The following NAALADL2 variants were observed in gnomAD, a reference collection of about 807,000 sequenced individuals.
The protein encoded by NAALADL2 is inactive N-acetylated-alpha-linked acidic dipeptidase-like protein 2.
A neutral mutation model predicts 87.2 loss-of-function variants in NAALADL2; 76 were observed. That is an observed-to-expected ratio of 0.87 (90% CI 0.72 to 1.05). The LOEUF is 1.05. Ranked by LOEUF, NAALADL2 falls within the 50% of genes least tolerant of loss-of-function variation. The pLI, the probability that NAALADL2 is intolerant of heterozygous loss-of-function variation, is 0.00. For missense variants in NAALADL2, 1,089 were observed against 945.8 expected, an observed-to-expected ratio of 1.15 and a Z score of -1.99; for synonymous variants, 354 against 331.0, an observed-to-expected ratio of 1.07 and a Z score of -0.75.
At chr3:174,642,052 G>A (rs1049276319) in intron 2 of NAALADL2, among the ~76,000 whole-genome samples, 12 of 152,004 alleles carry the variant, frequency 7.9e-5, no homozygotes, top group African/African-American at 2.2e-4. Context: ...AGCCACTGCC[G>A]GGCCAACTTG....
intron 2 of NAALADL2, among the ~76,000 whole-genome samples, chr3:174,633,571 G>A (rs906759276): frequency 1.3e-5 from 2 of 152,154 alleles, no homozygotes; most frequent in African/African-American, 4.8e-5. Flanking sequence ...TTAATGCCTT[G>A]TGCTTAAACT....
chr3:175,048,207 G>C (rs1412074687), intron 1 of NAALADL2, among the ~76,000 whole-genome samples: 2 of 151,526 alleles, frequency 1.3e-5, no homozygotes, highest in African/African-American at 4.9e-5. Context: ...TCAGGTAAAG[G>C]ATTTTTGTTC....
intron 1 of NAALADL2, among the ~76,000 whole-genome samples, chr3:175,049,258 A>G (rs1317841320): frequency 6.6e-6 from 1 of 152,178 alleles, no homozygotes; most frequent in African/African-American, 2.4e-5. Context: ...TGCTAGACCA[A>G]GGGATTATTC....
chr3:174,601,343 G>A (rs980636904), intron 2 of NAALADL2, among the ~76,000 whole-genome samples: 1 of 151,938 alleles, frequency 6.6e-6, no homozygotes, highest in Non-Finnish European at 1.5e-5. Flanking sequence ...TTTTAACTGG[G>A]GTGAGATGCT....
rs56013343 is a variant in NAALADL2 at position 174,835,274 on chromosome 3, A to C, written c.-9+97528A>C. The stretch of plus-strand genomic sequence containing the variant: ...TTAATGGGGAAAAGACAGCCGTTTC[A>C]ACAATTGCTGCTGGGAAAACTAGAT... On this transcript the variant is annotated intron_variant, in intron 3 of 3. Transcript: ENST00000434257. Among the ~76,000 whole-genome samples the C allele has an allele frequency of 5.7e-3, 875 of 152,238 alleles. 9 individuals are homozygous for C. The highest frequency in any genetic ancestry group is 0.02 in the African/African-American group (836 of 41,576).
intron 2 of NAALADL2, among the ~76,000 whole-genome samples, chr3:174,585,460 A>G (rs530507120): frequency 6.6e-6 from 1 of 152,342 alleles, no homozygotes; most frequent in African/African-American, 2.4e-5. Context: ...GGATTAGAAC[A>G]GTATTTTTCT....
At chr3:174,512,670 C>T (rs368919896) in intron 1 of NAALADL2, among the ~76,000 whole-genome samples, 3 of 152,060 alleles carry the variant, frequency 2.0e-5, no homozygotes, top group Non-Finnish European at 2.9e-5. Flanking sequence ...CCTCCCCAAA[C>T]GGATCTCTGT....
At chr3:174,964,248 G>C (rs192245700) in intron 1 of NAALADL2, among the ~76,000 whole-genome samples, 1 of 152,026 alleles carries the variant, frequency 6.6e-6, no homozygotes, top group Admixed American at 6.6e-5. Context: ...TCTATTCATA[G>C]AGCTTACATT....
chr3:175,536,568 T>G (rs554136202), intron 9 of NAALADL2, among the ~76,000 whole-genome samples: 117 of 152,272 alleles, frequency 7.7e-4, no homozygotes, highest in African/African-American at 2.7e-3. Context: ...TGAAATTAAA[T>G]ATTAAATTAA....
At chr3:175,309,736 A>G (rs1758137823) in intron 4 of NAALADL2, among the ~76,000 whole-genome samples, 2 of 152,136 alleles carry the variant, frequency 1.3e-5, no homozygotes, top group Admixed American at 1.3e-4. Context: ...AAATAAATTG[A>G]TTAATAATAA....
intron 2 of NAALADL2, among the ~76,000 whole-genome samples, chr3:174,675,120 A>G (rs1462900089): frequency 2.0e-5 from 3 of 152,108 alleles, no homozygotes; most frequent in Non-Finnish European, 4.4e-5. Flanking sequence ...TTAAATTGCA[A>G]TTATTGAGTA....
Position 175,020,448 on chromosome 3 carries a change from C to A in NAALADL2, c.44-76342C>A, listed in dbSNP as rs77292997. Among the ~76,000 whole-genome samples the A allele has an allele frequency of 6.6e-5, 10 of 152,118 alleles. 2 individuals are homozygous for A. In the Middle Eastern group the frequency reaches 0.017, roughly 259 times the overall value. On this transcript the variant is annotated intron_variant, in intron 1 of 13. Transcript: ENST00000454872. ...TTGAAAATGTATCATTGTCTAGATT[C>A]TCTTATTATCTCCTAATTGTAAATG...
chr3:174,863,842 A>G (rs1446039952), intron 1 of NAALADL2: 2 of 285,404 alleles, frequency 7.0e-6, no homozygotes, highest in Admixed American at 9.8e-5. Context: ...ATTTTCAATT[A>G]ACAGAAGTGC....
At chr3:174,458,236 T>A (rs1715982496) in intron 1 of NAALADL2, among the ~76,000 whole-genome samples, 1 of 152,216 alleles carries the variant, frequency 6.6e-6, no homozygotes, top group African/African-American at 2.4e-5. Context: ...AACTGCATTA[T>A]CCTACATTAC....
Position 175,360,826 on chromosome 3 carries a change from ATG to A in NAALADL2, c.1090+36523_1090+36524del, listed in dbSNP as rs1553873565. Among the ~76,000 whole-genome samples, 177 of 66,470 alleles carry A rather than the reference ATG, an allele frequency of 2.7e-3. 1 individual carries two copies. Among genetic ancestry groups the A allele is most frequent in the East Asian group, 9.0e-3 (11 of 1,216 alleles). 43.6% of individuals were successfully genotyped at this position (66,470 alleles called of 152,430 possible). On this transcript the variant is annotated intron_variant, in intron 5 of 13. Transcript: ENST00000454872. ...AATATTCCACTGTGTGTGTGTGTGT[ATG>A]TGTGTGTGTGTGTGTGTGTGTATCT...
At chr3:175,330,281 C>T (rs1270499322) in intron 5 of NAALADL2, among the ~76,000 whole-genome samples, 1 of 152,006 alleles carries the variant, frequency 6.6e-6, no homozygotes, top group Non-Finnish European at 1.5e-5. Context: ...ATGGTTGCTT[C>T]AACAAGACAG....
intron 1 of NAALADL2, among the ~76,000 whole-genome samples, chr3:174,469,197 ACTT>A (rs1439827080): frequency 6.6e-6 from 1 of 151,948 alleles, no homozygotes; most frequent in African/African-American, 2.4e-5. Flanking sequence ...TGATCATACT[ACTT>A]CTCCTCTGGA....
At chr3:175,641,265 C>T (rs1729254221) in intron 11 of NAALADL2, among the ~76,000 whole-genome samples, 1 of 152,120 alleles carries the variant, frequency 6.6e-6, no homozygotes, top group Non-Finnish European at 1.5e-5. Context: ...CTCCCTCATC[C>T]CTACCTTCTC....
intron 5 of NAALADL2, among the ~76,000 whole-genome samples, chr3:175,365,192 T>A (rs1457260530): frequency 6.8e-6 from 1 of 147,536 alleles, no homozygotes; most frequent in Non-Finnish European, 1.5e-5. Context: ...TGTAAACATT[T>A]TCAATAAGTC....
Sources: gnomAD v4.1 joint callset for allele counts (sites outside exome capture counted in the v4.1 genomes callset) on GRCh38, gnomAD v4.1.1 for gene constraint, MANE v1.5 for transcripts, NCBI Gene and HGNC (gene_info 2026-07-23, HGNC 2026-07-21) for gene names.